Variants in RPS6KC1 observed in about 807,000 individuals in gnomAD.
RPS6KC1 encodes the protein ribosomal protein S6 kinase C1.
Under a neutral mutation model 103.8 loss-of-function variants are expected in RPS6KC1, and 54 were observed. That is an observed-to-expected ratio of 0.52 (90% CI 0.42 to 0.65). The LOEUF (loss-of-function observed/expected upper bound fraction) is 0.65. Among genes scored for constraint, RPS6KC1 ranks in the 30% least tolerant of loss-of-function variants. RPS6KC1 has a pLI of 0.00. For synonymous variants in RPS6KC1, 439 were observed against 438.7 expected, an observed-to-expected ratio of 1.00 and a Z score of -0.01; for missense variants, 1,151 against 1,253.8, an observed-to-expected ratio of 0.92 and a Z score of 1.24.
chr1:213,196,524 G>A (rs1010706026), intron 8 of RPS6KC1, among the ~76,000 whole-genome samples: 8 of 151,972 alleles, frequency 5.3e-5, no homozygotes, highest in Admixed American at 2.0e-4. Context: ...TATTACATTT[G>A]CTTTTGGGTA....
the RPS6KC1 span, among the ~76,000 whole-genome samples, chr1:213,720,906 C>T: frequency 6.6e-6 from 1 of 152,156 alleles, no homozygotes; most frequent in Non-Finnish European, 1.5e-5. Flanking sequence ...CCCAATGCAG[C>T]TCCAAAGTAT....
At chr1:213,723,201 T>C in the RPS6KC1 span, among the ~76,000 whole-genome samples, 2,355 of 152,236 alleles carry the variant, frequency 0.015, 57 homozygotes, top group African/African-American at 0.054. Flanking sequence ...GGGAGTATTC[T>C]CTGTTTCCAG....
the RPS6KC1 span, among the ~76,000 whole-genome samples, chr1:213,398,748 A>AT: frequency 6.6e-6 from 1 of 151,960 alleles, no homozygotes; most frequent in Non-Finnish European, 1.5e-5. Context: ...GCTTTATCCT[A>AT]TTTTTTTCAC....
chr1:213,362,620 C>A, the RPS6KC1 span, among the ~76,000 whole-genome samples: 28 of 152,248 alleles, frequency 1.8e-4, no homozygotes, highest in East Asian at 5.4e-3. Context: ...ACATATATAT[C>A]GTTAAGTCCT....
the RPS6KC1 span, among the ~76,000 whole-genome samples, chr1:213,661,534 G>C: frequency 2.0e-5 from 3 of 152,210 alleles, no homozygotes; most frequent in African/African-American, 7.2e-5. Flanking sequence ...GTATGGTAAA[G>C]GTCAGTCTGA....
At chr1:213,731,439 C>T in the RPS6KC1 span, 11 of 152,130 alleles carry the variant, frequency 7.2e-5, no homozygotes, top group African/African-American at 9.6e-5. Flanking sequence ...TATCAAGGAT[C>T]GGTAATTGGG....
chr1:213,187,504 C>T (rs1463516065), intron 8 of RPS6KC1, among the ~76,000 whole-genome samples: 1 of 151,994 alleles, frequency 6.6e-6, no homozygotes, highest in African/African-American at 2.4e-5. Context: ...CCTCGGCCTC[C>T]CACAGTGTTA....
the RPS6KC1 span, among the ~76,000 whole-genome samples, chr1:213,373,230 C>T: frequency 1.3e-5 from 2 of 152,192 alleles, no homozygotes; most frequent in Non-Finnish European, 2.9e-5. Flanking sequence ...AGAAGGGTAG[C>T]TGGAGGGCCA....
the RPS6KC1 span, among the ~76,000 whole-genome samples, chr1:213,643,172 T>G: frequency 2.2e-3 from 334 of 151,200 alleles, no homozygotes; most frequent in Middle Eastern, 0.014. Flanking sequence ...TATTCTTTCA[T>G]ACGAATTTTA....
At chr1:213,170,130 T>G (rs1022419680) in intron 7 of RPS6KC1, among the ~76,000 whole-genome samples, 1 of 152,192 alleles carries the variant, frequency 6.6e-6, no homozygotes, top group African/African-American at 2.4e-5. Context: ...ATTCTATTCA[T>G]TCTTATAACA....
the RPS6KC1 span, among the ~76,000 whole-genome samples, chr1:213,592,932 C>A: frequency 2.0e-5 from 3 of 152,092 alleles, no homozygotes; most frequent in Admixed American, 6.5e-5. Flanking sequence ...AGAAAAGAAA[C>A]AAGGAGCTGT....
At chr1:213,233,345 A>G (rs2094147351) in intron 10 of RPS6KC1, among the ~76,000 whole-genome samples, 2 of 152,230 alleles carry the variant, frequency 1.3e-5, no homozygotes, top group Non-Finnish European at 2.9e-5. Flanking sequence ...GACAGCTTTT[A>G]TCTGAGGATA....
chr1:213,417,895 G>A, the RPS6KC1 span, among the ~76,000 whole-genome samples: 1 of 152,138 alleles, frequency 6.6e-6, no homozygotes, highest in South Asian at 2.1e-4. Context: ...CCATGAGGCA[G>A]GTGATACCGG....
the RPS6KC1 span, among the ~76,000 whole-genome samples, chr1:213,848,879 T>A: frequency 6.6e-6 from 1 of 152,266 alleles, no homozygotes; most frequent in East Asian, 1.9e-4. Context: ...AAAGTTTGCA[T>A]GTTCAAGGTT....
At chr1:213,699,421 G>A in the RPS6KC1 span, among the ~76,000 whole-genome samples, 1 of 152,114 alleles carries the variant, frequency 6.6e-6, no homozygotes, top group African/African-American at 2.4e-5. Flanking sequence ...ATAGTACTCC[G>A]TTGTGTATAA....
chr1:213,792,536 CTCAAA>C, the RPS6KC1 span, among the ~76,000 whole-genome samples: 2 of 152,164 alleles, frequency 1.3e-5, no homozygotes, highest in Non-Finnish European at 2.9e-5. Flanking sequence ...CAATTCTTCC[CTCAAA>C]TGGATAGAGA....
the RPS6KC1 span, among the ~76,000 whole-genome samples, chr1:213,524,866 AC>A: frequency 1.3e-5 from 2 of 150,836 alleles, no homozygotes; most frequent in Non-Finnish European, 3.0e-5. Flanking sequence ...AGAGCTAACA[AC>A]CCCCACTTTG....
At chr1:213,196,023 A>G (rs1183409389) in intron 8 of RPS6KC1, among the ~76,000 whole-genome samples, 1 of 152,108 alleles carries the variant, frequency 6.6e-6, no homozygotes, top group Non-Finnish European at 1.5e-5. Flanking sequence ...ATCAAATGTT[A>G]GTTCTACTGT....
rs188485289 is a variant in RPS6KC1 at position 213,075,699 on chromosome 1, C to A, written c.142-1997C>A. Among the ~76,000 whole-genome samples the A allele has an allele frequency of 5.8e-3, 889 of 152,268 alleles. 2 individuals carry two copies. Among genetic ancestry groups the A allele is most frequent in the Non-Finnish European group, 0.01 (699 of 68,018 alleles). Reference sequence around the variant, plus strand: ...ACTTGCTACACAGCTATTTATTCTTCAGTGTTCTTCAGTTTATTTATCATT... The same window carrying A: ...ACTTGCTACACAGCTATTTATTCTTAAGTGTTCTTCAGTTTATTTATCATT... On this transcript the variant is annotated intron_variant, in intron 2 of 14. Coordinates refer to ENST00000366960, the MANE Select transcript of RPS6KC1 (RefSeq NM_012424.6).
Sources: allele counts gnomAD v4.1 joint callset (sites outside exome capture counted in the v4.1 genomes callset), GRCh38; gene constraint gnomAD v4.1.1; transcripts MANE v1.5; gene names NCBI Gene and HGNC (gene_info 2026-07-23, HGNC 2026-07-21).